SLITRK1: variants seen among roughly 807,000 people sequenced by gnomAD.
SLITRK1 encodes SLIT and NTRK-like protein 1.
A neutral mutation model predicts 42.4 loss-of-function variants in SLITRK1; 10 were observed. The ratio of observed to expected loss-of-function variants is 0.24; its 90% CI spans 0.15 to 0.40. SLITRK1 has a LOEUF of 0.40. Ranked by LOEUF, SLITRK1 falls within the 10% of genes least tolerant of loss-of-function variation. The pLI, the probability that SLITRK1 is intolerant of heterozygous loss-of-function variation, is 1.00. For missense variants in SLITRK1, 778 were observed against 848.8 expected (o/e 0.92, Z 1.04); for synonymous variants, 389 against 365.7 (o/e 1.06, Z -0.73).
chr13:83,881,462 C>A lies in SLITRK1; in HGVS notation c.46G>T (p.Ala16Ser), dbSNP rs759439951. The change falls in exon 2 of 2, where the codon GCT becomes TCT. Residue 16 changes from alanine to serine, a missense_variant. This residue lies in a region of SLITRK1 where 204 missense variants were observed against 295.3 expected (regional missense o/e 0.69). Coordinates refer to ENST00000674365, the MANE Select transcript of SLITRK1 (RefSeq NM_001281503.2). The part of the protein sequence containing the change: ...LLLETSLCFA[A>S]GNVTGDVCKE... ...CAAACGTCCCCTGTAACGTTTCCAG[C>A]GGCAAAACAAAGAGACGTCTCCAGC... 24 of 1,613,796 alleles carry A rather than the reference C, an allele frequency of 1.5e-5. No individual in the cohort carries two copies. The highest frequency in any genetic ancestry group is 1.6e-5 in the Non-Finnish European group (19 of 1,180,016).
In SLITRK1 at chr13:83,880,455, T is replaced by G. The variant is rs1438127287; in HGVS notation, c.1053A>C (p.Pro351=). The change falls in exon 2 of 2, where the codon CCA becomes CCC. Residue 351 remains proline (P), a synonymous_variant. Transcript: ENST00000674365. ...CPGGCSCDHI[P]GSGLKMNCNN... Reference sequence around the variant, plus strand: ...TGCAGTTCATCTTTAAACCCGACCCTGGGATGTGGTCGCAGCTGCAGCCCC... The same window carrying G: ...TGCAGTTCATCTTTAAACCCGACCCGGGGATGTGGTCGCAGCTGCAGCCCC... 5.6e-6 allele frequency: 9 copies of G among 1,613,858 alleles called. No homozygotes were observed. The highest frequency in any genetic ancestry group is 7.6e-6 in the Non-Finnish European group (9 of 1,180,008).
In SLITRK1 at chr13:83,881,479, G is replaced by C; in HGVS notation, c.29C>G (p.Thr10Arg). The change falls in exon 2 of 2, where the codon ACG (threonine) becomes AGG (arginine). Residue 10 changes from threonine to arginine, a missense_variant. Around this residue, in one of 4 missense-constraint regions of SLITRK1, gnomAD observed 204 missense variants for 295.3 expected, o/e 0.69. Coordinates refer to ENST00000674365, the MANE Select transcript of SLITRK1 (RefSeq NM_001281503.2). Reference sequence around the variant, plus strand: ...GTTTCCAGCGGCAAAACAAAGAGACGTCTCCAGCAACAGAATCCAAAGCAG... The same window carrying C: ...GTTTCCAGCGGCAAAACAAAGAGACCTCTCCAGCAACAGAATCCAAAGCAG... Reference protein sequence around the residue: MLLWILLLETSLCFAAGNVT... With the variant: MLLWILLLERSLCFAAGNVT... 1 of 1,613,962 alleles carries C rather than the reference G, an allele frequency of 6.2e-7. No homozygotes were observed. Among genetic ancestry groups the C allele is most frequent in the Middle Eastern group, 1.6e-4 (1 of 6,062 alleles).
In SLITRK1 at chr13:83,879,561, G is replaced by T. The variant is rs776581255; in HGVS notation, c.1947C>A (p.Ser649=). 6.2e-7 allele frequency: 1 copy of T among 1,613,908 alleles called. No individual in the cohort carries two copies. The highest frequency in any genetic ancestry group is 8.5e-7 in the Non-Finnish European group (1 of 1,180,000). The part of the protein sequence containing the change: ...LVFILRNRKR[S]KRRDANSSAS... ...CGGAGGAGTTGGCATCTCGTCTCTT[G>T]GACCGCTTTCGGTTCCTCAGGATAA... The change falls in exon 2 of 2, where the codon TCC becomes TCA. Residue 649 remains serine (S), a synonymous_variant. Transcript: ENST00000674365.
rs1279330518 is a variant in SLITRK1, at chr13:83,878,021, GC to G, written c.*1395del. ...GCAAGACCTTTATGGACTGGGGAAA[GC>G]CGGTAAAGTCTGAGCGAAGGTGGGG... On this transcript the variant is annotated 3_prime_UTR_variant, in exon 2 of 2. Coordinates refer to ENST00000674365, the MANE Select transcript of SLITRK1 (RefSeq NM_001281503.2). 6.9e-6 allele frequency: 1 copy of G among 145,446 alleles called. No individual in the cohort carries two copies. Among genetic ancestry groups the G allele is most frequent in the African/African-American group, 2.6e-5 (1 of 39,022 alleles). 9.0% of individuals were successfully genotyped at this position (145,446 alleles called of 1,614,324 possible). A position where few individuals can be genotyped will look rare whatever the true frequency, so the allele number is the denominator to read the frequency against.
Position 83,880,858 on chromosome 13 carries a change from G to A in SLITRK1, c.650C>T (p.Thr217Ile). The A allele has an allele frequency of 7.4e-6, 12 of 1,614,126 alleles. No homozygotes were observed. The highest frequency in any genetic ancestry group is 1.0e-5 in the Non-Finnish European group (12 of 1,180,044). Reference sequence around the variant, plus strand: ...TTCTTTCAGGGAGAGCAGATCACAGGTGCAGTCCCAAGGGTTATCCTCTAG... The same window carrying A: ...TTCTTTCAGGGAGAGCAGATCACAGATGCAGTCCCAAGGGTTATCCTCTAG... ...ILLEDNPWDC[T>I]CDLLSLKEWL... is the part of the protein sequence containing the mutation. The change falls in exon 2 of 2, where the codon ACC becomes ATC. Residue 217 changes from threonine (T) to isoleucine (I), a missense_variant. Coordinates refer to ENST00000674365, the MANE Select transcript of SLITRK1 (RefSeq NM_001281503.2).
At position 83,881,564 on chromosome 13, in the gene SLITRK1, C is replaced by T; in HGVS notation, c.-53-4G>A. ...TCACAAAGTAACAGCGACCATCCTG[C>T]TCGCCACAGACACAATTCAAGTTCA... is the stretch of plus-strand genomic sequence containing the variant. On this transcript the variant is annotated splice_region_variant and splice_polypyrimidine_tract_variant and intron_variant, in intron 1 of 1. Transcript: ENST00000674365. The T allele has an allele frequency of 3.7e-6, 6 of 1,600,614 alleles. No individual in the cohort carries two copies. The highest frequency in any genetic ancestry group is 5.1e-6 in the Non-Finnish European group (6 of 1,170,222).
Position 83,879,331 on chromosome 13 carries a change from G to T in SLITRK1, c.*86C>A. The T allele has an allele frequency of 6.4e-7, 1 of 1,551,506 alleles. No individual in the cohort carries two copies. The highest frequency in any genetic ancestry group is 8.8e-7 in the Non-Finnish European group (1 of 1,140,238). On this transcript the variant is annotated 3_prime_UTR_variant, in exon 2 of 2. Coordinates refer to ENST00000674365, the MANE Select transcript of SLITRK1 (RefSeq NM_001281503.2). ...CCAGGCTGATGGCGCGGGGATTTGGGTACACGCCCCTCCAGCCCCCGGGGT... is the reference window on the plus strand; with the variant it reads ...CCAGGCTGATGGCGCGGGGATTTGGTTACACGCCCCTCCAGCCCCCGGGGT...
rs1167281071 is a variant in SLITRK1 at position 83,880,934 on chromosome 13, G to C, written c.574C>G (p.Leu192Val). The C allele has an allele frequency of 6.2e-7, 1 of 1,614,098 alleles. No homozygotes were observed. The change falls in exon 2 of 2, where the codon CTG becomes GTG. Residue 192 changes from leucine to valine, a missense_variant. Leu to Val is a conservative substitution (Grantham distance 32). This residue lies in a region of SLITRK1 where 204 missense variants were observed against 295.3 expected (regional missense o/e 0.69). Coordinates refer to ENST00000674365, the MANE Select transcript of SLITRK1 (RefSeq NM_001281503.2). The stretch of plus-strand genomic sequence containing the variant: ...TGCTCCAAGACCTCCTCATAGGGCA[G>C]CGTTTTCAGCCTGTTACCCCGGAGG... ...LDLRGNRLKT[L>V]PYEEVLEQIP...
chr13:83,880,008 G>A lies in SLITRK1; in HGVS notation c.1500C>T (p.Ser500=), dbSNP rs752646104. Residue 500 remains serine (S), a synonymous_variant, in exon 2 of 2, where the codon AGC becomes AGT. Transcript: ENST00000674365. ...VFAGVSLSKL[S]LHNNYFMYLP... ...GGTACATGAAGTAATTGTTGTGCAGGCTGAGTTTAGAGAGCGAGACCCCAG... is the reference window on the plus strand; with the variant it reads ...GGTACATGAAGTAATTGTTGTGCAGACTGAGTTTAGAGAGCGAGACCCCAG... 8 of 1,613,938 alleles carry A rather than the reference G, an allele frequency of 5.0e-6. No individual in the cohort carries two copies. Among genetic ancestry groups the A allele is most frequent in the Middle Eastern group, 1.6e-4 (1 of 6,084 alleles).
In SLITRK1 at chr13:83,880,723, G is replaced by T; in HGVS notation, c.785C>A (p.Pro262His). The T allele has an allele frequency of 6.2e-7, 1 of 1,614,110 alleles. No individual in the cohort carries two copies. The highest frequency in any genetic ancestry group is 2.2e-5 in the East Asian group (1 of 44,858). Residue 262 changes from proline (P) to histidine (H), a missense_variant, in exon 2 of 2, where the codon CCT (proline) becomes CAT (histidine). By Grantham distance (77) the Pro-to-His change is moderately conservative. Coordinates refer to ENST00000674365, the MANE Select transcript of SLITRK1 (RefSeq NM_001281503.2). ...LNETTEQDLCPLKNRVDSSLP... is the reference protein window; with the variant it reads ...LNETTEQDLCHLKNRVDSSLP... ...ACTAGAATCCACTCGGTTTTTCAAA[G>T]GACACAAGTCCTGTTCGGTGGTTTC...
Position 83,880,499 on chromosome 13 carries a change from T to G in SLITRK1, c.1009A>C (p.Asn337His), listed in dbSNP as rs1167148440. ...TGSSRNKPLA[N>H]SLPCPGGCSC... ...CAGCCCCCAGGGCAGGGTAAACTGT[T>G]AGCTAAGGGTTTGTTCCTGGAGCTA... Residue 337 changes from asparagine (N) to histidine (H), a missense_variant, in exon 2 of 2, where the codon AAC becomes CAC. Around this residue, in one of 4 missense-constraint regions of SLITRK1, gnomAD observed 395 missense variants for 360.4 expected, o/e 1.10. Coordinates refer to ENST00000674365, the MANE Select transcript of SLITRK1 (RefSeq NM_001281503.2). 6.2e-7 allele frequency: 1 copy of G among 1,614,028 alleles called. No homozygotes were observed.
chr13:83,879,223 C>A lies in SLITRK1; in HGVS notation c.*194G>T. The A allele has an allele frequency of 1.5e-6, 1 of 661,226 alleles. No homozygotes were observed. Among genetic ancestry groups the A allele is most frequent in the South Asian group, 1.8e-5 (1 of 54,186 alleles). The allele number at this position is 661,226 out of a possible 1,614,324, so 41.0% of individuals were successfully genotyped here. A position where few individuals can be genotyped will look rare whatever the true frequency, so the allele number is the denominator to read the frequency against. On this transcript the variant is annotated 3_prime_UTR_variant, in exon 2 of 2. Coordinates refer to ENST00000674365, the MANE Select transcript of SLITRK1 (RefSeq NM_001281503.2). ...CTCTCCCAGCTCTCCACAGTCTGCT[C>A]TTTGTTTCAAGGAGGGAGCTAAGTA...
Position 83,881,263 on chromosome 13 carries a change from T to A in SLITRK1, c.245A>T (p.Tyr82Phe). The part of the protein sequence containing the change: ...RLFPNEFANF[Y>F]NAVSLHMENN... ...TTCCATGTGCAAACTAACCGCATTA[T>A]AAAAGTTAGCGAACTCATTAGGGAA... The change falls in exon 2 of 2, where the codon TAT (tyrosine) becomes TTT (phenylalanine). Residue 82 changes from tyrosine to phenylalanine, a missense_variant. Coordinates refer to ENST00000674365, the MANE Select transcript of SLITRK1 (RefSeq NM_001281503.2). 6.2e-7 allele frequency: 1 copy of A among 1,614,146 alleles called. No homozygotes were observed. Among genetic ancestry groups the A allele is most frequent in the East Asian group, 2.2e-5 (1 of 44,872 alleles).
Position 83,879,483 on chromosome 13 carries a change from A to T in SLITRK1, c.2025T>A (p.Asn675Lys), listed in dbSNP as rs1389065594. The change falls in exon 2 of 2, where the codon AAT becomes AAA. Residue 675 changes from asparagine (N) to lysine (K), a missense_variant. Around this residue, in one of 4 missense-constraint regions of SLITRK1, gnomAD observed 164 missense variants for 158.2 expected, o/e 1.04. Coordinates refer to ENST00000674365, the MANE Select transcript of SLITRK1 (RefSeq NM_001281503.2). ...GGGCCCCATCTGCGTTGTAAGGCCC[A>T]TTGTGCCAGTAGGAAGAGTCACAGA... ...QTVCDSSYWH[N>K]GPYNADGAHR... 1.4e-5 allele frequency: 23 copies of T among 1,614,032 alleles called. No homozygotes were observed. The highest frequency in any genetic ancestry group is 1.9e-5 in the Non-Finnish European group (23 of 1,180,018).
chr13:83,881,206 G>A lies in SLITRK1; in HGVS notation c.302C>T (p.Ala101Val). Residue 101 changes from alanine to valine, a missense_variant, in exon 2 of 2, where the codon GCT (alanine) becomes GTT (valine). Around this residue, in one of 4 missense-constraint regions of SLITRK1, gnomAD observed 204 missense variants for 295.3 expected, o/e 0.69. Coordinates refer to ENST00000674365, the MANE Select transcript of SLITRK1 (RefSeq NM_001281503.2). ...NNGLHEIVPG[A>V]FLGLQLVKRL... ...TTTCACCAGCTGCAGCCCCAGAAAA[G>A]CCCCCGGAACGATTTCATGCAAGCC... 6.2e-7 allele frequency: 1 copy of A among 1,614,038 alleles called. No individual in the cohort carries two copies.
At position 83,881,214 on chromosome 13, in the gene SLITRK1, A is replaced by C. The variant is rs751143571; in HGVS notation, c.294T>G (p.Val98=). 1 of 1,614,040 alleles carries C rather than the reference A, an allele frequency of 6.2e-7. No homozygotes were observed. Among genetic ancestry groups the C allele is most frequent in the African/African-American group, 1.3e-5 (1 of 74,916 alleles). The change falls in exon 2 of 2, where the codon GTT becomes GTG. Residue 98 remains valine, a synonymous_variant. Coordinates refer to ENST00000674365, the MANE Select transcript of SLITRK1 (RefSeq NM_001281503.2). ...HMENNGLHEI[V]PGAFLGLQLV... ...GCTGCAGCCCCAGAAAAGCCCCCGG[A>C]ACGATTTCATGCAAGCCATTGTTTT...
rs1319100830 is a variant in SLITRK1, at chr13:83,882,227, C to A, written c.-277G>T. 1 of 167,014 alleles carries A rather than the reference C, an allele frequency of 6.0e-6. No individual in the cohort carries two copies. Among genetic ancestry groups the A allele is most frequent in the African/African-American group, 2.4e-5 (1 of 41,398 alleles). The allele number at this position is 167,014 out of a possible 1,614,324, so 10.3% of individuals were successfully genotyped here. A position where few individuals can be genotyped will look rare whatever the true frequency, so the allele number is the denominator to read the frequency against. On this transcript the variant is annotated 5_prime_UTR_variant, in exon 1 of 2. Coordinates refer to ENST00000674365, the MANE Select transcript of SLITRK1 (RefSeq NM_001281503.2). ...TTGTGGTTGTCCATCCTTTTCCTTT[C>A]CTCCCCTTCGGTCCTCTTAAGGCTT...
Position 83,881,573 on chromosome 13 carries a change from G to T in SLITRK1, c.-53-13C>A. On this transcript the variant is annotated splice_polypyrimidine_tract_variant and intron_variant, in intron 1 of 1. Coordinates refer to ENST00000674365, the MANE Select transcript of SLITRK1 (RefSeq NM_001281503.2). ...AACAGCGACCATCCTGCTCGCCACA[G>T]ACACAATTCAAGTTCATTTAGTGCT... is the stretch of plus-strand genomic sequence containing the variant. The T allele has an allele frequency of 7.3e-7, 1 of 1,368,438 alleles. No individual in the cohort carries two copies. The highest frequency in any genetic ancestry group is 9.8e-7 in the Non-Finnish European group (1 of 1,022,286). 84.8% of individuals were successfully genotyped at this position (1,368,438 alleles called of 1,614,324 possible).
At position 83,882,243 on chromosome 13, in the gene SLITRK1, C is replaced by T. The variant is rs1033878434; in HGVS notation, c.-293G>A. 6.0e-6 allele frequency: 1 copy of T among 166,444 alleles called. No individual in the cohort carries two copies. The highest frequency in any genetic ancestry group is 1.9e-4 in the East Asian group (1 of 5,172). The allele number at this position is 166,444 out of a possible 1,614,324, so 10.3% of individuals were successfully genotyped here. ...TTTTCCTTTCCTCCCCTTCGGTCCT[C>T]TTAAGGCTTTTTTTTTTCTTTTCTG... is the stretch of plus-strand genomic sequence containing the variant. On this transcript the variant is annotated 5_prime_UTR_variant, in exon 1 of 2. Transcript: ENST00000674365.
Sources: gnomAD v4.1 joint callset for allele counts on GRCh38, gnomAD v4.1.1 for gene constraint, gnomAD v4.1.1 regional missense constraint, MANE v1.5 for transcripts, NCBI Gene and HGNC (gene_info 2026-07-23, HGNC 2026-07-21) for gene names.